The following PAFAH1B1 variants were observed in gnomAD, a reference collection of about 807,000 sequenced individuals.
The protein encoded by PAFAH1B1 is platelet-activating factor acetylhydrolase IB subunit beta.
Under a neutral mutation model 57.5 loss-of-function variants are expected in PAFAH1B1, and 2 were observed. That is an observed-to-expected ratio of 0.03 (90% CI 0.01 to 0.11). PAFAH1B1 has a LOEUF of 0.11. Ranked by LOEUF, PAFAH1B1 falls within the 10% of genes least tolerant of loss-of-function variation. PAFAH1B1 has a pLI of 1.00. For missense variants in PAFAH1B1, 257 were observed against 512.0 expected (o/e 0.50, Z 4.81); for synonymous variants, 152 against 169.6 (o/e 0.90, Z 0.81).
At chr17:2,611,985 T>C (rs1382961740) in intron 1 of PAFAH1B1, among the ~76,000 whole-genome samples, 4 of 152,170 alleles carry the variant, frequency 2.6e-5, no homozygotes, top group African/African-American at 9.7e-5. Context: ...TTCTGCTGTT[T>C]ATGCTAGCTG....
intron 2 of PAFAH1B1, among the ~76,000 whole-genome samples, chr17:2,647,555 A>G (rs766064819): frequency 8.5e-5 from 13 of 152,236 alleles, no homozygotes; most frequent in South Asian, 6.2e-4. Context: ...AAACAAGAAG[A>G]TTACAGTCTA....
chr17:2,664,234 C>T (rs971901155), intron 2 of PAFAH1B1, among the ~76,000 whole-genome samples: 4 of 152,148 alleles, frequency 2.6e-5, no homozygotes, highest in Non-Finnish European at 4.4e-5. Context: ...TACAATACTA[C>T]TGGAGTGTGT....
chr17:2,623,979 C>T (rs1441208413), intron 1 of PAFAH1B1, among the ~76,000 whole-genome samples: 20 of 152,168 alleles, frequency 1.3e-4, no homozygotes, highest in Admixed American at 1.2e-3. Context: ...TTTCAAACAC[C>T]CAGGTCACCT....
chr17:2,632,110 G>A (rs2068563219), intron 1 of PAFAH1B1, among the ~76,000 whole-genome samples: 1 of 151,964 alleles, frequency 6.6e-6, no homozygotes, highest in Admixed American at 6.6e-5. Flanking sequence ...TTTTCTTTTT[G>A]TAGAGATGGG....
Position 2,674,356 on chromosome 17 carries a change from ATTC to A in PAFAH1B1, c.900+69_900+71del, listed in dbSNP as rs561990676. The A allele has an allele frequency of 2.1e-5, 25 of 1,212,660 alleles. 1 individual carries two copies. In the South Asian group the frequency reaches 3.0e-4, roughly 14 times the overall value. 75.1% of individuals were successfully genotyped at this position (1,212,660 alleles called of 1,614,324 possible). A position where few individuals can be genotyped will look rare whatever the true frequency, so the allele number is the denominator to read the frequency against. Reference sequence around the variant, plus strand: ...CTGAAGTCCTTAGATAACTTTGCTAATTCCCTGTTTCAGGGCTGTTAATGCATT... The same window carrying A: ...CTGAAGTCCTTAGATAACTTTGCTAACCTGTTTCAGGGCTGTTAATGCATT... On this transcript the variant is annotated intron_variant, in intron 8 of 10. Coordinates refer to ENST00000397195, the MANE Select transcript of PAFAH1B1 (RefSeq NM_000430.4).
chr17:2,610,081 C>G (rs2068250681), intron 1 of PAFAH1B1, among the ~76,000 whole-genome samples: 1 of 152,242 alleles, frequency 6.6e-6, no homozygotes, highest in African/African-American at 2.4e-5. Flanking sequence ...ACCTCAGCTT[C>G]CCAAAGTGGT....
intron 1 of PAFAH1B1, among the ~76,000 whole-genome samples, chr17:2,620,160 T>C (rs941250144): frequency 5.3e-5 from 8 of 152,182 alleles, no homozygotes; most frequent in African/African-American, 1.9e-4. Context: ...ATCTCTTATT[T>C]TGATTAAATT....
At chr17:2,678,474 G>C (rs2069309527) in intron 9 of PAFAH1B1, among the ~76,000 whole-genome samples, 1 of 151,744 alleles carries the variant, frequency 6.6e-6, no homozygotes, top group Non-Finnish European at 1.5e-5. Flanking sequence ...GCTGAGGCTT[G>C]AGAATCGTTT....
At chr17:2,622,469 G>T (rs1208543693) in intron 1 of PAFAH1B1, among the ~76,000 whole-genome samples, 1 of 152,176 alleles carries the variant, frequency 6.6e-6, no homozygotes, top group Admixed American at 6.5e-5. Context: ...AATCCAGCGG[G>T]ACAGTCAAAT....
chr17:2,663,218 T>C (rs2069044460), intron 2 of PAFAH1B1, among the ~76,000 whole-genome samples: 1 of 151,992 alleles, frequency 6.6e-6, no homozygotes. Flanking sequence ...GCAGAGCTTG[T>C]CGTGAGTGGA....
At chr17:2,666,529 A>G (rs1366304131) in intron 4 of PAFAH1B1, among the ~76,000 whole-genome samples, 2 of 152,246 alleles carry the variant, frequency 1.3e-5, no homozygotes, top group South Asian at 2.1e-4. Flanking sequence ...AGTAAATAAC[A>G]TTGTTATGAG....
chr17:2,650,678 A>G (rs2068837808), intron 2 of PAFAH1B1, among the ~76,000 whole-genome samples: 1 of 151,358 alleles, frequency 6.6e-6, no homozygotes, highest in Non-Finnish European at 1.5e-5. Context: ...AATTGAAAAA[A>G]TCAAATTTTA....
chr17:2,667,377 T>G (rs986588242), intron 5 of PAFAH1B1, 179 bp downstream of exon 5: 32 of 575,248 alleles, frequency 5.6e-5, no homozygotes, highest in Non-Finnish European at 9.3e-5. Flanking sequence ...AATTAAAAGA[T>G]CCTGAAAATG....
At chr17:2,626,805 G>A (rs2068499980) in intron 1 of PAFAH1B1, among the ~76,000 whole-genome samples, 1 of 151,940 alleles carries the variant, frequency 6.6e-6, no homozygotes. Flanking sequence ...TGCCCGCATC[G>A]ACCTCCCAGA....
At chr17:2,618,134 G>C (rs529514086) in intron 1 of PAFAH1B1, among the ~76,000 whole-genome samples, 1 of 151,984 alleles carries the variant, frequency 6.6e-6, no homozygotes, top group African/African-American at 2.4e-5. Flanking sequence ...TGTAATCCCA[G>C]CTATTCGGGA....
intron 1 of PAFAH1B1, among the ~76,000 whole-genome samples, chr17:2,598,940 A>G: frequency 6.6e-6 from 1 of 152,200 alleles, no homozygotes; most frequent in East Asian, 1.9e-4. Flanking sequence ...ATAGAATTTA[A>G]TTGATATTTA....
At chr17:2,662,106 C>T (rs2069022835) in intron 2 of PAFAH1B1, 2 of 148,924 alleles carry the variant, frequency 1.3e-5, no homozygotes, top group South Asian at 4.2e-4. Flanking sequence ...ACTAGTATTA[C>T]AGCTGCAGAA....
intron 1 of PAFAH1B1, among the ~76,000 whole-genome samples, chr17:2,628,500 G>A (rs1242416610): frequency 2.6e-5 from 4 of 151,958 alleles, no homozygotes; most frequent in Non-Finnish European, 4.4e-5. Context: ...AAGGATTTTA[G>A]CATCTATGTT....
At chr17:2,679,365 AT>A (rs2069327610) in intron 9 of PAFAH1B1, among the ~76,000 whole-genome samples, 1 of 7,286 alleles carries the variant, frequency 1.4e-4, no homozygotes, top group Admixed American at 4.5e-3. Flanking sequence ...TGGATGGATG[AT>A]TAGATGGATG....
Sources: gnomAD v4.1 joint callset for allele counts (sites outside exome capture counted in the v4.1 genomes callset) on GRCh38, gnomAD v4.1.1 for gene constraint, MANE v1.5 for transcripts, NCBI Gene and HGNC (gene_info 2026-07-23, HGNC 2026-07-21) for gene names.